PTPRG: variants seen among roughly 807,000 people sequenced by gnomAD.
The protein encoded by PTPRG is receptor-type tyrosine-protein phosphatase gamma.
A neutral mutation model predicts 165.3 loss-of-function variants in PTPRG; 102 were observed. The ratio of observed to expected loss-of-function variants is 0.62; its 90% confidence interval spans 0.53 to 0.73. PTPRG has a LOEUF of 0.73. PTPRG is among the 30% of genes least tolerant of loss of function. PTPRG has a pLI of 0.00. For synonymous variants in PTPRG, 675 were observed against 669.5 expected (o/e 1.01, Z -0.13); for missense variants, 1,866 against 1,861.4 (o/e 1.00, Z -0.05).
At chr3:62,200,025 A>T (rs1344900098) in intron 10 of PTPRG, among the ~76,000 whole-genome samples, 1 of 152,180 alleles carries the variant, frequency 6.6e-6, no homozygotes, top group Non-Finnish European at 1.5e-5. Context: ...GTATGATTCC[A>T]CTTATATGAA....
intron 4 of PTPRG, among the ~76,000 whole-genome samples, chr3:62,018,663 T>C (rs1009629284): frequency 6.6e-6 from 1 of 152,156 alleles, no homozygotes; most frequent in Non-Finnish European, 1.5e-5. Context: ...ATAAAACTCA[T>C]CAGGTAATGC....
At chr3:61,868,959 A>G (rs1303605483) in intron 2 of PTPRG, among the ~76,000 whole-genome samples, 2 of 150,350 alleles carry the variant, frequency 1.3e-5, no homozygotes, top group Non-Finnish European at 3.0e-5. Context: ...TCTTTGGACT[A>G]GTCACTTCTA....
chr3:61,813,515 C>CA lies in PTPRG; in HGVS notation c.190+64547dup, dbSNP rs552214510. Among the ~76,000 whole-genome samples the CA allele has an allele frequency of 8.2e-3, 472 of 57,876 alleles. 4 individuals carry two copies. Among genetic ancestry groups the CA allele is most frequent in the Middle Eastern group, 0.022 (2 of 92 alleles). 38.0% of individuals were successfully genotyped at this position (57,876 alleles called of 152,430 possible). A position where few individuals can be genotyped will look rare whatever the true frequency, so the allele number is the denominator to read the frequency against. On this transcript the variant is annotated intron_variant, in intron 2 of 29. Transcript: ENST00000474889. The stretch of plus-strand genomic sequence containing the variant: ...TGGGTGACAGAATGAGACTCCGTCT[C>CA]AAAAAAAAAAAAAAGAAAAAAGAAA...
chr3:62,274,909 T>G (rs1300185663), intron 23 of PTPRG, among the ~76,000 whole-genome samples: 2 of 151,910 alleles, frequency 1.3e-5, no homozygotes, highest in Admixed American at 6.6e-5. Context: ...TTTCTTCAAT[T>G]TTTTTTTATA....
At chr3:62,282,592 A>G in intron 27 of PTPRG, 135 bp from the exon 28 acceptor site, 1 of 800,968 alleles carries the variant, frequency 1.2e-6, no homozygotes, top group Non-Finnish European at 1.8e-6. Context: ...TCTTCTTTCC[A>G]GCTGTGGTTT....
At chr3:61,714,851 T>C (rs181412641) in intron 1 of PTPRG, among the ~76,000 whole-genome samples, 47 of 152,364 alleles carry the variant, frequency 3.1e-4, no homozygotes, top group Non-Finnish European at 5.6e-4. Flanking sequence ...TATCTTGTTT[T>C]AGCTACTCCT....
At chr3:61,938,720 C>T (rs562863245) in intron 2 of PTPRG, among the ~76,000 whole-genome samples, 1 of 152,098 alleles carries the variant, frequency 6.6e-6, no homozygotes, top group South Asian at 2.1e-4. Flanking sequence ...GCTTACGCTA[C>T]GTTATAAACT....
At chr3:61,733,338 CTCTA>C (rs1444601345) in intron 1 of PTPRG, among the ~76,000 whole-genome samples, 20 of 152,162 alleles carry the variant, frequency 1.3e-4, no homozygotes, top group Admixed American at 9.2e-4. Flanking sequence ...CTTTCCGTTT[CTCTA>C]TCTGTTTAGA....
intron 1 of PTPRG, among the ~76,000 whole-genome samples, chr3:61,731,119 A>G (rs2032474133): frequency 6.6e-6 from 1 of 152,156 alleles, no homozygotes. Flanking sequence ...AAAGCAGTGA[A>G]TAGACCAAGG....
chr3:62,167,512 G>A (rs1167708241), intron 7 of PTPRG, among the ~76,000 whole-genome samples: 2 of 152,154 alleles, frequency 1.3e-5, no homozygotes, highest in African/African-American at 4.8e-5. Context: ...TTTTATTGAG[G>A]AAAAATGGTG....
chr3:62,071,690 C>G (rs1299839535), intron 4 of PTPRG, among the ~76,000 whole-genome samples: 2 of 152,196 alleles, frequency 1.3e-5, no homozygotes, highest in African/African-American at 4.8e-5. Context: ...TGGAAGGAAG[C>G]ACAGTGATTA....
At chr3:61,712,151 C>T (rs976739720) in intron 1 of PTPRG, among the ~76,000 whole-genome samples, 3 of 152,132 alleles carry the variant, frequency 2.0e-5, no homozygotes, top group African/African-American at 7.2e-5. Context: ...GCCTTGGCCT[C>T]CCAAAGTGCT....
At chr3:61,601,546 CAA>C (rs757030628) in intron 1 of PTPRG, among the ~76,000 whole-genome samples, 17 of 152,114 alleles carry the variant, frequency 1.1e-4, no homozygotes, top group Non-Finnish European at 2.1e-4. Context: ...TCAACAAAAA[CAA>C]AAACGATGTT....
At chr3:62,069,618 A>G (rs934148883) in intron 4 of PTPRG, among the ~76,000 whole-genome samples, 18 of 105,722 alleles carry the variant, frequency 1.7e-4, no homozygotes, top group Admixed American at 1.4e-3. Context: ...CTCCAGAGAA[A>G]GAGAGCCATA....
At chr3:62,272,797 A>G in intron 21 of PTPRG, 149 bp from the exon 22 acceptor site, 1 of 857,910 alleles carries the variant, frequency 1.2e-6, no homozygotes. Flanking sequence ...AGATTGCGCC[A>G]CTGCACTCCA....
intron 2 of PTPRG, among the ~76,000 whole-genome samples, chr3:61,759,571 C>T (rs1472744173): frequency 6.6e-6 from 1 of 152,012 alleles, no homozygotes; most frequent in African/African-American, 2.4e-5. Flanking sequence ...GTGGGAGGAT[C>T]GCCTGAACCC....
At chr3:62,285,513 C>G (rs1202141146) in intron 28 of PTPRG, among the ~76,000 whole-genome samples, 1 of 14,064 alleles carries the variant, frequency 7.1e-5, no homozygotes, top group Non-Finnish European at 1.4e-4. Context: ...TTGGGGGTGG[C>G]AGGTGGTTGT....
At chr3:61,678,827 G>A (rs909476126) in intron 1 of PTPRG, among the ~76,000 whole-genome samples, 2 of 152,022 alleles carry the variant, frequency 1.3e-5, no homozygotes, top group Non-Finnish European at 2.9e-5. Flanking sequence ...AAAAGTAAAT[G>A]CCCATTGTAA....
chr3:62,156,936 T>G (rs1435118012), intron 6 of PTPRG, 131 bp from the exon 7 acceptor site: 20 of 826,014 alleles, frequency 2.4e-5, no homozygotes, highest in Middle Eastern at 2.7e-4. Flanking sequence ...CAAATGCTAG[T>G]GCTTCTCAGG....
Sources: gnomAD v4.1 joint callset for allele counts (sites outside exome capture counted in the v4.1 genomes callset) on GRCh38, gnomAD v4.1.1 for gene constraint, MANE v1.5 for transcripts, NCBI Gene and HGNC (gene_info 2026-07-23, HGNC 2026-07-21) for gene names.